FER1L6: variants seen among roughly 807,000 people sequenced by gnomAD.
FER1L6 encodes the protein fer-1 like family member 6, also known as fer-1-like protein 6.
In FER1L6, 177 loss-of-function variants were observed where a neutral mutation model predicts 219.2. That is an observed-to-expected ratio of 0.81 (90% confidence interval 0.71 to 0.91). FER1L6 has a LOEUF of 0.91. Among genes scored for constraint, FER1L6 ranks in the 40% least tolerant of loss-of-function variants. The probability of loss-of-function intolerance (pLI) is 0.00; values close to 1 mark genes in which losing one functional copy is unlikely to be tolerated. For synonymous variants in FER1L6, 768 were observed against 824.3 expected (o/e 0.93, Z 1.17); for missense variants, 2,153 against 2,259.9 (o/e 0.95, Z 0.96).
intron 22 of FER1L6, among the ~76,000 whole-genome samples, chr8:124,054,342 A>C (rs1166544437): frequency 6.6e-6 from 1 of 152,224 alleles, no homozygotes; most frequent in African/African-American, 2.4e-5. Flanking sequence ...AGAAAGCTTG[A>C]GAAATGCTTT....
At position 124,101,132 on chromosome 8, in the gene FER1L6, C is replaced by G; in HGVS notation, c.4919C>G (p.Thr1640Arg). The G allele has an allele frequency of 6.2e-7, 1 of 1,613,642 alleles. No homozygotes were observed. Among genetic ancestry groups the G allele is most frequent in the African/African-American group, 1.3e-5 (1 of 74,958 alleles). The change falls in exon 38 of 41, where the codon ACA becomes AGA. Residue 1640 changes from threonine to arginine, a missense_variant. Physicochemically the swap from Thr to Arg is moderately conservative, Grantham distance 71. Coordinates refer to ENST00000522917, the MANE Select transcript of FER1L6 (RefSeq NM_001039112.2). ...LKGLEDDKQE[T>R]DVHYNSLTGE... Reference sequence around the variant, plus strand: ...GGCTTGGAGGATGACAAGCAGGAGACAGATGTGCATTACAACTCCCTGACT... The same window carrying G: ...GGCTTGGAGGATGACAAGCAGGAGAGAGATGTGCATTACAACTCCCTGACT...
At chr8:124,023,773 G>A (rs1434082774) in intron 18 of FER1L6, among the ~76,000 whole-genome samples, 177 bp downstream of exon 18, 1 of 152,064 alleles carries the variant, frequency 6.6e-6, no homozygotes, top group African/African-American at 2.4e-5. Context: ...ACCACCTTTA[G>A]GTGGAATTTT....
chr8:123,905,012 T>C (rs761480225), intron 1 of FER1L6, among the ~76,000 whole-genome samples: 1 of 152,212 alleles, frequency 6.6e-6, no homozygotes, highest in African/African-American at 2.4e-5. Flanking sequence ...AGCACACCCC[T>C]GAAGACATAG....
intron 1 of FER1L6, among the ~76,000 whole-genome samples, chr8:123,936,462 G>GTTTTTTTTTTTTTTTT (rs779012175): frequency 4.1e-5 from 4 of 97,924 alleles, no homozygotes; most frequent in African/African-American, 7.8e-5. Flanking sequence ...ATTGCAGCCT[G>GTTTTTTTTTTTTTTTT]TTTTTTTTTT....
intron 1 of FER1L6, among the ~76,000 whole-genome samples, chr8:123,902,382 C>A (rs1404335379): frequency 2.6e-5 from 4 of 152,086 alleles, no homozygotes; most frequent in East Asian, 1.9e-4. Context: ...GTCTTGATGA[C>A]CTGTCTAGTG....
At chr8:123,970,940 G>T (rs1053927551) in intron 6 of FER1L6, among the ~76,000 whole-genome samples, 1 of 152,192 alleles carries the variant, frequency 6.6e-6, no homozygotes, top group African/African-American at 2.4e-5. Flanking sequence ...GATCACCACA[G>T]CTTCTCCCAA....
chr8:123,943,453 C>T (rs1038331761), intron 1 of FER1L6, among the ~76,000 whole-genome samples: 2 of 152,148 alleles, frequency 1.3e-5, no homozygotes, highest in Non-Finnish European at 2.9e-5. Context: ...ACAGAGGGCA[C>T]TCAATTTCAA....
intron 2 of FER1L6, 61 bp downstream of exon 2, chr8:123,956,135 C>T (rs1563706283): frequency 3.7e-5 from 53 of 1,447,646 alleles, no homozygotes; most frequent in East Asian, 4.7e-5. Flanking sequence ...GTGACCCCTC[C>T]GTGGCTGAAA....
chr8:123,964,067 C>T (rs769574921), intron 3 of FER1L6, among the ~76,000 whole-genome samples: 17 of 152,144 alleles, frequency 1.1e-4, no homozygotes, highest in South Asian at 4.1e-4. Context: ...CCAGATCCTC[C>T]GTCAGGCTAG....
chr8:124,069,869 A>C (rs527718066), intron 29 of FER1L6, among the ~76,000 whole-genome samples: 1 of 152,334 alleles, frequency 6.6e-6, no homozygotes, highest in African/African-American at 2.4e-5. Context: ...AGAGGGTATT[A>C]GCTAGAGATA....
intron 1 of FER1L6, among the ~76,000 whole-genome samples, chr8:123,922,980 C>G (rs902423981): frequency 1.3e-5 from 2 of 152,132 alleles, no homozygotes; most frequent in Admixed American, 6.5e-5. Flanking sequence ...CAGCCCCCCC[C>G]CAGACCCCCA....
intron 19 of FER1L6, among the ~76,000 whole-genome samples, chr8:124,038,911 G>A (rs755553723): frequency 1.3e-4 from 20 of 152,198 alleles, no homozygotes; most frequent in Non-Finnish European, 2.8e-4. Context: ...GGGGGAGTCC[G>A]TGAAATGGGA....
rs1418564101 is a variant in FER1L6, at chr8:123,977,472, T to C, written c.926T>C (p.Ile309Thr). ...CADPVWHEQV[I>T]FKEMFPPLCR... ...GATCCTGTGTGGCATGAACAGGTGA[T>C]CTTCAAGGAAATGTTCCCTCCCTTG... The change falls in exon 10 of 41, where the codon ATC becomes ACC. Residue 309 changes from isoleucine to threonine, a missense_variant. Transcript: ENST00000522917. 1.2e-6 allele frequency: 2 copies of C among 1,614,092 alleles called. No homozygotes were observed. Among genetic ancestry groups the C allele is most frequent in the South Asian group, 1.1e-5 (1 of 91,078 alleles).
intron 11 of FER1L6, 34 bp from the exon 12 acceptor site, chr8:123,986,016 CTAATGAGAGAAAAAGCCA>C (rs1399396393): frequency 2.9e-6 from 3 of 1,018,594 alleles, no homozygotes; most frequent in Non-Finnish European, 4.7e-6. Context: ...AGTCAGCTTC[CTAATGAGAGAAAAAGCCA>C]GTTCTGCCTA....
chr8:124,020,612 C>T (rs1458172863), intron 16 of FER1L6, among the ~76,000 whole-genome samples: 2 of 152,190 alleles, frequency 1.3e-5, no homozygotes, highest in African/African-American at 4.8e-5. Flanking sequence ...GGTCTGAAAG[C>T]AGCAACCATA....
At chr8:123,953,626 A>G (rs1814878276) in intron 1 of FER1L6, among the ~76,000 whole-genome samples, 1 of 152,170 alleles carries the variant, frequency 6.6e-6, no homozygotes, top group Non-Finnish European at 1.5e-5. Flanking sequence ...GAGGCTACCC[A>G]TGACGAGGAT....
At chr8:124,026,292 C>A (rs950302145) in intron 18 of FER1L6, among the ~76,000 whole-genome samples, 1 of 152,174 alleles carries the variant, frequency 6.6e-6, no homozygotes, top group Admixed American at 6.5e-5. Flanking sequence ...TTAACTTTTC[C>A]TAACTCATAG....
At chr8:124,001,403 C>T (rs1414374824) in intron 12 of FER1L6, among the ~76,000 whole-genome samples, 3 of 152,162 alleles carry the variant, frequency 2.0e-5, no homozygotes, top group Non-Finnish European at 4.4e-5. Context: ...CTATTAAAAA[C>T]CCCATCTAAT....
At chr8:123,863,933 C>T (rs1816786738) in intron 1 of FER1L6, among the ~76,000 whole-genome samples, 1 of 150,056 alleles carries the variant, frequency 6.7e-6, no homozygotes. Context: ...ACTCTTTATC[C>T]AACTTGCCAG....
Sources: allele counts gnomAD v4.1 joint callset (sites outside exome capture counted in the v4.1 genomes callset), GRCh38; gene constraint gnomAD v4.1.1; transcripts MANE v1.5; gene names NCBI Gene and HGNC (gene_info 2026-07-23, HGNC 2026-07-21).